The following MYO1D variants were observed in gnomAD, a reference collection of about 807,000 sequenced individuals.
The protein encoded by MYO1D is myosin ID.
Under a neutral mutation model 122.0 loss-of-function variants are expected in MYO1D, and 83 were observed. The ratio of observed to expected loss-of-function variants is 0.68; its 90% CI spans 0.57 to 0.82. The LOEUF is 0.82. Ranked by LOEUF, MYO1D falls within the 40% of genes least tolerant of loss-of-function variation. The pLI is 0.00. For synonymous variants in MYO1D, 464 were observed against 446.9 expected, an observed-to-expected ratio of 1.04 and a Z score of -0.48; for missense variants, 1,157 against 1,269.5, an observed-to-expected ratio of 0.91 and a Z score of 1.35.
At chr17:32,532,630 G>A (rs1184719120) in intron 21 of MYO1D, among the ~76,000 whole-genome samples, 1 of 151,392 alleles carries the variant, frequency 6.6e-6, no homozygotes, top group Non-Finnish European at 1.5e-5. Flanking sequence ...GGAGGCTGAG[G>A]CAGGAGAATG....
intron 8 of MYO1D, 101 bp downstream of exon 8, chr17:32,764,777 T>C: frequency 1.6e-6 from 2 of 1,278,938 alleles, no homozygotes; most frequent in Non-Finnish European, 2.3e-6. Flanking sequence ...TCTAAAAGCC[T>C]TAACCCTCTT....
chr17:32,771,323 T>G, intron 5 of MYO1D, 103 bp from the exon 6 acceptor site: 1 of 755,626 alleles, frequency 1.3e-6, no homozygotes, highest in Non-Finnish European at 2.1e-6. Context: ...CTTAATTCAC[T>G]TATGTCTTCC....
At position 32,877,054 on chromosome 17, in the gene MYO1D, C is replaced by T. The variant is rs968986708; in HGVS notation, c.-182G>A. 16 of 235,556 alleles carry T rather than the reference C, an allele frequency of 6.8e-5. No homozygotes were observed. The highest frequency in any genetic ancestry group is 1.2e-4 in the Non-Finnish European group (15 of 124,118). 14.6% of individuals were successfully genotyped at this position (235,556 alleles called of 1,614,324 possible). On this transcript the variant is annotated 5_prime_UTR_variant, in exon 1 of 22. Transcript: ENST00000318217. The stretch of plus-strand genomic sequence containing the variant: ...GCCTCGCTGCTCCTCGGCGCCTTCT[C>T]GGCCGGCGCGGCTCCGAACGGGACG...
intron 16 of MYO1D, among the ~76,000 whole-genome samples, chr17:32,672,846 T>C (rs1458752057): frequency 6.6e-6 from 1 of 151,996 alleles, no homozygotes. Flanking sequence ...TAGGAGTAGG[T>C]TTATAGTATT....
chr17:32,730,924 T>C (rs963859887), intron 14 of MYO1D, among the ~76,000 whole-genome samples: 20 of 150,660 alleles, frequency 1.3e-4, no homozygotes, highest in South Asian at 6.3e-4. Flanking sequence ...TTTTTTTTTT[T>C]CAGAGACAGT....
chr17:32,551,212 A>G (rs185369657), intron 21 of MYO1D, among the ~76,000 whole-genome samples: 168 of 152,344 alleles, frequency 1.1e-3, no homozygotes, highest in African/African-American at 3.9e-3. Flanking sequence ...CTCAAAGACA[A>G]TGAACATAAA....
chr17:32,514,332 A>G (rs1027291077), intron 21 of MYO1D, among the ~76,000 whole-genome samples: 2 of 150,558 alleles, frequency 1.3e-5, no homozygotes, highest in African/African-American at 2.4e-5. Flanking sequence ...GGCTCAAGCC[A>G]TCCTTCCACA....
chr17:32,530,956 T>C (rs2150872911), intron 21 of MYO1D, among the ~76,000 whole-genome samples: 1 of 151,974 alleles, frequency 6.6e-6, no homozygotes, highest in South Asian at 2.1e-4. Context: ...ATAATTGACA[T>C]TGGTTTCTGT....
chr17:32,579,572 A>G (rs1269367819), intron 21 of MYO1D, among the ~76,000 whole-genome samples: 1 of 152,164 alleles, frequency 6.6e-6, no homozygotes, highest in Non-Finnish European at 1.5e-5. Context: ...TTTGAAATAT[A>G]TATTATACCT....
chr17:32,532,024 T>C (rs1395215589), intron 21 of MYO1D, among the ~76,000 whole-genome samples: 2 of 152,188 alleles, frequency 1.3e-5, no homozygotes, highest in Non-Finnish European at 2.9e-5. Context: ...AGCCAATCTG[T>C]TGGGAAGTGG....
rs533083692 is a variant in MYO1D, at chr17:32,830,930, CCTACAGTCCCAG to C, written c.95+45836_95+45847del. Among the ~76,000 whole-genome samples the C allele has an allele frequency of 1.4e-3, 220 of 152,256 alleles. 1 individual carries two copies. The highest frequency in any genetic ancestry group is 5.0e-3 in the African/African-American group (208 of 41,544). On this transcript the variant is annotated intron_variant, in intron 1 of 21. Coordinates refer to ENST00000318217, the MANE Select transcript of MYO1D (RefSeq NM_015194.3). ...AATTAGCTGAGCGTGGTGGCACGCA[CCTACAGTCCCAG>C]CTACTTGGGAGGCTGAGGCAGGAGA...
At chr17:32,716,123 TTTG>T (rs2089441979) in intron 15 of MYO1D, among the ~76,000 whole-genome samples, 2 of 152,234 alleles carry the variant, frequency 1.3e-5, no homozygotes, top group African/African-American at 4.8e-5. Flanking sequence ...TGTTAACTTC[TTTG>T]GGGTTCTGTA....
intron 3 of MYO1D, among the ~76,000 whole-genome samples, chr17:32,777,332 CA>C (rs1389798878): frequency 6.6e-6 from 1 of 152,144 alleles, no homozygotes; most frequent in Non-Finnish European, 1.5e-5. Flanking sequence ...TCTTTTACAT[CA>C]ACCCAATATC....
At chr17:32,618,823 C>A (rs1567912651) in intron 20 of MYO1D, among the ~76,000 whole-genome samples, 1 of 151,768 alleles carries the variant, frequency 6.6e-6, no homozygotes, top group Non-Finnish European at 1.5e-5. Context: ...TTAGTAGAGA[C>A]AAGGTTTCAC....
At chr17:32,738,458 C>T (rs2089734262) in intron 13 of MYO1D, 73 bp from the exon 14 acceptor site, 1 of 1,408,988 alleles carries the variant, frequency 7.1e-7, no homozygotes, top group Non-Finnish European at 9.5e-7. Flanking sequence ...AGCAATTCTG[C>T]TGAAATGTAT....
intron 16 of MYO1D, among the ~76,000 whole-genome samples, chr17:32,663,917 T>C (rs1250970646): frequency 6.6e-6 from 1 of 152,242 alleles, no homozygotes; most frequent in Admixed American, 6.5e-5. Context: ...AGTTTTCTTT[T>C]TTTGGATGAC....
intron 1 of MYO1D, among the ~76,000 whole-genome samples, chr17:32,850,880 A>G (rs573854597): frequency 5.0e-4 from 76 of 151,836 alleles, no homozygotes; most frequent in Non-Finnish European, 1.0e-3. Flanking sequence ...GAGAGAATAA[A>G]CCTCCCTGTA....
At chr17:32,872,448 G>T (rs2091189027) in intron 1 of MYO1D, among the ~76,000 whole-genome samples, 1 of 151,588 alleles carries the variant, frequency 6.6e-6, no homozygotes, top group Non-Finnish European at 1.5e-5. Context: ...AATTTTTTTT[G>T]TATTTTTAGT....
chr17:32,590,043 T>A (rs2087424500), intron 21 of MYO1D, among the ~76,000 whole-genome samples: 1 of 152,256 alleles, frequency 6.6e-6, no homozygotes, highest in Non-Finnish European at 1.5e-5. Context: ...CTTGAGCATG[T>A]ATAGGCTAGG....
Sources: gnomAD v4.1 joint callset for allele counts (sites outside exome capture counted in the v4.1 genomes callset) on GRCh38, gnomAD v4.1.1 for gene constraint, MANE v1.5 for transcripts, NCBI Gene and HGNC (gene_info 2026-07-23, HGNC 2026-07-21) for gene names.